Variants in DDHD2 observed in about 807,000 individuals in gnomAD.
DDHD2 encodes the protein triacylglycerol hydrolase DDHD2.
Under a neutral mutation model 91.2 loss-of-function variants are expected in DDHD2, and 62 were observed. The observed-to-expected ratio is 0.68, with a 90% CI of 0.55 to 0.84. The LOEUF is 0.84. Among genes scored for constraint, DDHD2 ranks in the 40% least tolerant of loss-of-function variants. DDHD2 has a pLI of 0.00. For missense variants in DDHD2, 740 were observed against 846.9 expected, an observed-to-expected ratio of 0.87 and a Z score of 1.57; for synonymous variants, 271 against 293.9, an observed-to-expected ratio of 0.92 and a Z score of 0.80.
rs772893537 is a variant in DDHD2, at chr8:38,252,211, C to G, written c.1541C>G (p.Thr514Ser). ...GGATCTCCCATTGGAATGTTCCTTA[C>G]TGTCCGAGGACTAAAAAGAATTGAT... The part of the protein sequence containing the change: ...AFGSPIGMFL[T>S]VRGLKRIDPN... Residue 514 changes from threonine to serine, a missense_variant, in exon 13 of 18, where the codon ACT becomes AGT. Coordinates refer to ENST00000397166, the MANE Select transcript of DDHD2 (RefSeq NM_015214.3). The G allele has an allele frequency of 2.5e-6, 4 of 1,614,194 alleles. No individual in the cohort carries two copies. Among genetic ancestry groups the G allele is most frequent in the East Asian group, 2.2e-5 (1 of 44,874 alleles).
intron 9 of DDHD2, chr8:38,247,022 A>G (rs986440128): frequency 3.3e-5 from 5 of 152,190 alleles, no homozygotes; most frequent in Admixed American, 6.5e-5. Context: ...ACCATGTATC[A>G]TCTGTAGGAT....
intron 3 of DDHD2, among the ~76,000 whole-genome samples, chr8:38,236,767 G>A (rs916040765): frequency 5.9e-5 from 9 of 151,974 alleles, no homozygotes; most frequent in Non-Finnish European, 1.5e-5. Context: ...TGATCCACCC[G>A]CCTTGGCCTT....
chr8:38,269,019 G>C (rs1448644572), intron 1 of DDHD2: 1 of 1,550,086 alleles, frequency 6.5e-7, no homozygotes, highest in Non-Finnish European at 8.7e-7. Flanking sequence ...GCGCAGAGCA[G>C]GTCGCCTGGC....
chr8:38,268,849 G>A (rs778881510), intron 1 of DDHD2: 36 of 1,520,474 alleles, frequency 2.4e-5, no homozygotes, highest in Non-Finnish European at 3.2e-5. Flanking sequence ...CCGGGTCATG[G>A]GGAGGGAGGA....
chr8:38,254,851 G>A (rs993569344), intron 16 of DDHD2, among the ~76,000 whole-genome samples: 3 of 152,002 alleles, frequency 2.0e-5, no homozygotes, highest in African/African-American at 4.8e-5. Flanking sequence ...TGGTGCCACC[G>A]CACCCTAGCC....
rs938608990 is a variant in DDHD2 at position 38,262,535 on chromosome 8, G to C, written c.*1962G>C. The C allele has an allele frequency of 6.6e-6, 1 of 152,094 alleles. No individual in the cohort carries two copies. The allele number at this position is 152,094 out of a possible 1,614,324, so 9.4% of individuals were successfully genotyped here. A position where few individuals can be genotyped will look rare whatever the true frequency, so the allele number is the denominator to read the frequency against. ...TATTTAGTCATATATTATTTGCGCT[G>C]CTTCATTTGTATCATGTGCAATCTC... On this transcript the variant is annotated 3_prime_UTR_variant, in exon 18 of 18. Coordinates refer to ENST00000397166, the MANE Select transcript of DDHD2 (RefSeq NM_015214.3).
downstream of DDHD2, chr8:38,272,796 G>A (rs1020975431): frequency 9.2e-5 from 14 of 152,324 alleles, no homozygotes; most frequent in Non-Finnish European, 1.9e-4. Flanking sequence ...GACTATGAGT[G>A]AGCAATGTCT....
intron 4 of DDHD2, 113 bp downstream of exon 4, chr8:38,237,740 A>G: frequency 3.3e-6 from 2 of 597,380 alleles, no homozygotes; most frequent in Non-Finnish European, 5.6e-6. Context: ...GTCAAATTTT[A>G]TATTGAATTC....
chr8:38,241,088 G>T (rs1331794342), intron 6 of DDHD2, among the ~76,000 whole-genome samples: 1 of 150,064 alleles, frequency 6.7e-6, no homozygotes, highest in Non-Finnish European at 1.5e-5. Flanking sequence ...AAAAAAAGGT[G>T]TCCTCTAAAA....
At chr8:38,241,782 G>A (rs1213762795) in intron 6 of DDHD2, among the ~76,000 whole-genome samples, 1 of 150,646 alleles carries the variant, frequency 6.6e-6, no homozygotes, top group Non-Finnish European at 1.5e-5. Context: ...GGCCAGGCAC[G>A]GTGGCTCACA....
rs535059014 is a variant in DDHD2 at position 38,252,664 on chromosome 8, T to C, written c.1618-58T>C. 132 of 1,206,470 alleles carry C rather than the reference T, an allele frequency of 1.1e-4. 2 individuals are homozygous for C. Among genetic ancestry groups the C allele is most frequent in the South Asian group, 8.8e-4 (65 of 73,526 alleles). The allele number at this position is 1,206,470 out of a possible 1,614,324, so 74.7% of individuals were successfully genotyped here. A position where few individuals can be genotyped will look rare whatever the true frequency, so the allele number is the denominator to read the frequency against. On this transcript the variant is annotated intron_variant, in intron 13 of 17. Coordinates refer to ENST00000397166, the MANE Select transcript of DDHD2 (RefSeq NM_015214.3). ...CTCAAAAAAAAAAAAAAAAAAGTTA[T>C]ATAGTTTCCAGACTGTGCTTAGCAG...
Position 38,238,085 on chromosome 8 carries a change from T to A in DDHD2, c.502-4T>A, listed in dbSNP as rs1197142669. The A allele has an allele frequency of 6.2e-7, 1 of 1,606,122 alleles. No individual in the cohort carries two copies. Among genetic ancestry groups the A allele is most frequent in the South Asian group, 1.1e-5 (1 of 89,406 alleles). The stretch of plus-strand genomic sequence containing the variant: ...TTTTATTGCTCTGATCTGTTCTGTT[T>A]AAGCTTATGGTGCATTACCAGCCAG... On this transcript the variant is annotated splice_region_variant and splice_polypyrimidine_tract_variant and intron_variant, in intron 4 of 17. Coordinates refer to ENST00000397166, the MANE Select transcript of DDHD2 (RefSeq NM_015214.3).
chr8:38,245,564 G>A (rs1805565146), intron 7 of DDHD2, among the ~76,000 whole-genome samples, 178 bp from the exon 8 acceptor site: 1 of 151,928 alleles, frequency 6.6e-6, no homozygotes, highest in Non-Finnish European at 1.5e-5. Context: ...TTTATACTCT[G>A]AATTTTGCTT....
downstream of DDHD2, chr8:38,263,532 A>G (rs571098266): frequency 1.0e-6 from 1 of 985,394 alleles, no homozygotes; most frequent in African/African-American, 1.7e-5. Flanking sequence ...TATTGTTTTC[A>G]CTTAGTAATT....
At chr8:38,252,872 C>A in intron 14 of DDHD2, 48 bp downstream of exon 14, 2 of 1,605,092 alleles carry the variant, frequency 1.2e-6, no homozygotes, top group Non-Finnish European at 1.7e-6. Flanking sequence ...TTGGCCAGTG[C>A]AAAGGGCATC....
At chr8:38,267,271 A>G, downstream of DDHD2, 3 of 1,614,012 alleles carry the variant, frequency 1.9e-6, no homozygotes, top group South Asian at 2.2e-5. Flanking sequence ...TCATACAGGA[A>G]GAATGTCCAC....
At chr8:38,255,379 T>C (rs778024773) in intron 16 of DDHD2, 16 of 489,412 alleles carry the variant, frequency 3.3e-5, no homozygotes, top group Non-Finnish European at 5.2e-5. Flanking sequence ...TCTGGCTTGA[T>C]AGAAAAGAAA....
intron 1 of DDHD2, chr8:38,269,108 G>A: frequency 6.6e-7 from 1 of 1,525,872 alleles, no homozygotes; most frequent in Non-Finnish European, 8.8e-7. Context: ...CCCGGGCCCG[G>A]CCGTGGATCT....
At chr8:38,259,402 T>C (rs1038625690) in intron 16 of DDHD2, among the ~76,000 whole-genome samples, 16 of 151,610 alleles carry the variant, frequency 1.1e-4, no homozygotes, top group Non-Finnish European at 2.1e-4. Context: ...TTTTTTTTTT[T>C]TTTAGACGGA....
Sources: allele counts gnomAD v4.1 joint callset (sites outside exome capture counted in the v4.1 genomes callset), GRCh38; gene constraint gnomAD v4.1.1; transcripts MANE v1.5; gene names NCBI Gene and HGNC (gene_info 2026-07-23, HGNC 2026-07-21).